Variants in BTRC observed in about 807,000 individuals in gnomAD.
The protein encoded by BTRC is F-box/WD repeat-containing protein 1A.
Under a neutral mutation model 85.5 loss-of-function variants are expected in BTRC, and 42 were observed. That is an observed-to-expected ratio of 0.49 (90% CI 0.38 to 0.64). The LOEUF (loss-of-function observed/expected upper bound fraction) is 0.64, where lower values mean the gene tolerates loss of function less well. Among genes scored for constraint, BTRC ranks in the 30% least tolerant of loss-of-function variants. The pLI is 0.00. For synonymous variants in BTRC, 255 were observed against 263.3 expected, an observed-to-expected ratio of 0.97 and a Z score of 0.30; for missense variants, 594 against 743.5, an observed-to-expected ratio of 0.80 and a Z score of 2.34.
chr10:101,447,977 TGTG>T (rs1400176318), intron 2 of BTRC, among the ~76,000 whole-genome samples: 6 of 152,130 alleles, frequency 3.9e-5, no homozygotes, highest in South Asian at 2.1e-4. Flanking sequence ...TTCAGTGACT[TGTG>T]GGGTAATTTT....
At chr10:101,479,518 G>A in intron 4 of BTRC, 61 bp downstream of exon 4, 2 of 1,327,372 alleles carry the variant, frequency 1.5e-6, no homozygotes, top group Non-Finnish European at 2.1e-6. Context: ...ATATCTGTAG[G>A]CATCTTTACT....
At chr10:101,535,050 G>C in intron 10 of BTRC, 140 bp downstream of exon 10, 1 of 1,006,294 alleles carries the variant, frequency 9.9e-7, no homozygotes. Flanking sequence ...CAAGTGAAAA[G>C]GTGTAATAAG....
At chr10:101,533,556 C>T (rs1237794231) in intron 9 of BTRC, among the ~76,000 whole-genome samples, 2 of 152,134 alleles carry the variant, frequency 1.3e-5, no homozygotes, top group East Asian at 1.9e-4. Context: ...TTTCCAGAGG[C>T]ATTAGTGATT....
intron 3 of BTRC, among the ~76,000 whole-genome samples, chr10:101,463,051 T>C (rs1386146229): frequency 7.3e-6 from 1 of 137,928 alleles, no homozygotes; most frequent in Non-Finnish European, 1.6e-5. Context: ...TATTTTGGGG[T>C]TTTTTTTTTT....
At chr10:101,547,743 TA>T (rs2062581891) in intron 13 of BTRC, among the ~76,000 whole-genome samples, 1 of 152,258 alleles carries the variant, frequency 6.6e-6, no homozygotes, top group Non-Finnish European at 1.5e-5. Flanking sequence ...TGAAATTTTT[TA>T]AAAAATCTCG....
intron 1 of BTRC, among the ~76,000 whole-genome samples, chr10:101,403,936 CTT>C (rs1943549497): frequency 6.8e-6 from 1 of 146,064 alleles, no homozygotes; most frequent in African/African-American, 2.6e-5. Flanking sequence ...CTGGTACTCT[CTT>C]TCTTTCAAGA....
At chr10:101,354,334 C>T (rs1172353288) in intron 1 of BTRC, 106 bp downstream of exon 1, 2 of 1,277,936 alleles carry the variant, frequency 1.6e-6, no homozygotes, top group African/African-American at 1.6e-5. Flanking sequence ...GACCCTGGGC[C>T]GAGGCTGGCG....
At chr10:101,389,595 C>T (rs1200658304) in intron 1 of BTRC, among the ~76,000 whole-genome samples, 2 of 145,660 alleles carry the variant, frequency 1.4e-5, no homozygotes, top group South Asian at 2.2e-4. Flanking sequence ...GTTACACTGG[C>T]CTTTTGCCAA....
At chr10:101,387,072 A>T (rs1943098012) in intron 1 of BTRC, among the ~76,000 whole-genome samples, 1 of 152,126 alleles carries the variant, frequency 6.6e-6, no homozygotes, top group East Asian at 1.9e-4. Flanking sequence ...TCCCTCATAA[A>T]TCATGTCATT....
intron 2 of BTRC, among the ~76,000 whole-genome samples, chr10:101,437,880 C>T (rs932370215): frequency 1.3e-5 from 2 of 152,076 alleles, no homozygotes; most frequent in African/African-American, 4.8e-5. Context: ...TGTCCCTTAC[C>T]CACTCTCTGC....
Position 101,503,154 on chromosome 10 carries a change from A to AT in BTRC, c.325-18479dup, listed in dbSNP as rs1370418206. On this transcript the variant is annotated intron_variant, in intron 4 of 14. Transcript: ENST00000370187. ...GGGATAGAATCAGTGTCAAATTATG[A>AT]TTTTTTAATGATATTCTATTACATA... Among the ~76,000 whole-genome samples the AT allele has an allele frequency of 3.9e-5, 6 of 152,266 alleles. No individual in the cohort carries two copies. In the East Asian group the frequency reaches 5.8e-4, roughly 15 times the overall value.
intron 1 of BTRC, among the ~76,000 whole-genome samples, chr10:101,378,705 A>C (rs1283202916): frequency 6.6e-6 from 1 of 151,720 alleles, no homozygotes; most frequent in African/African-American, 2.4e-5. Flanking sequence ...TTGTATTTTT[A>C]GTGGAGATGG....
chr10:101,475,950 T>TATATATATATATATTC (rs1945673102), intron 3 of BTRC, among the ~76,000 whole-genome samples: 2 of 138,644 alleles, frequency 1.4e-5, no homozygotes, highest in South Asian at 2.2e-4. Context: ...TATATATATA[T>TATATATATATATATTC]ATATTCAGTA....
chr10:101,532,904 AG>A (rs1443006475), intron 8 of BTRC, 47 bp from the exon 9 acceptor site: 1 of 1,425,264 alleles, frequency 7.0e-7, no homozygotes. Context: ...AAGTCTCCAC[AG>A]CACCCCATCA....
At chr10:101,443,246 T>C (rs1944737919) in intron 2 of BTRC, among the ~76,000 whole-genome samples, 1 of 152,122 alleles carries the variant, frequency 6.6e-6, no homozygotes, top group Non-Finnish European at 1.5e-5. Context: ...TTTTAAACCC[T>C]CCTAAGTGAA....
chr10:101,541,265 C>CTTTT (rs34740269), intron 13 of BTRC, among the ~76,000 whole-genome samples: 10 of 147,188 alleles, frequency 6.8e-5, no homozygotes, highest in African/African-American at 1.0e-4. Flanking sequence ...GGGTTTTTCT[C>CTTTT]TTTTTTTTTT....
intron 4 of BTRC, among the ~76,000 whole-genome samples, chr10:101,516,083 A>G (rs796350224): frequency 3.9e-5 from 6 of 152,304 alleles, no homozygotes; most frequent in South Asian, 2.1e-4. Flanking sequence ...TTATACTTTA[A>G]TGAAAATTAA....
intron 3 of BTRC, among the ~76,000 whole-genome samples, chr10:101,477,021 C>T (rs1026663056): frequency 9.2e-5 from 14 of 152,144 alleles, no homozygotes; most frequent in African/African-American, 2.4e-4. Context: ...CTGTCACCCA[C>T]GCTGGAGTGC....
chr10:101,366,860 T>TATTAA (rs1554862141), intron 1 of BTRC, among the ~76,000 whole-genome samples: 2 of 25,388 alleles, frequency 7.9e-5, no homozygotes, highest in African/African-American at 2.0e-4. Context: ...TAATATATAT[T>TATTAA]TATATATTAA....
Sources: allele counts gnomAD v4.1 joint callset (sites outside exome capture counted in the v4.1 genomes callset), GRCh38; gene constraint gnomAD v4.1.1; transcripts MANE v1.5; gene names NCBI Gene and HGNC (gene_info 2026-07-23, HGNC 2026-07-21).